KCNMA1: variants seen among roughly 807,000 people sequenced by gnomAD.
KCNMA1 encodes potassium calcium-activated channel subfamily M alpha 1.
KCNMA1 carries 29 observed loss-of-function variants against 140.0 expected under a neutral mutation model. The observed-to-expected ratio is 0.21, with a 90% CI of 0.15 to 0.28. KCNMA1 has a LOEUF of 0.28. Among genes scored for constraint, KCNMA1 ranks in the 10% least tolerant of loss-of-function variants. The probability of loss-of-function intolerance (pLI) is 1.00; values close to 1 mark genes in which losing one functional copy is unlikely to be tolerated. For missense variants in KCNMA1, 880 were observed against 1,602.2 expected (o/e 0.55, Z 7.70); for synonymous variants, 612 against 611.9 (o/e 1.00, Z 0.00).
chr10:77,441,871 AAG>A (rs1442179668), intron 1 of KCNMA1, among the ~76,000 whole-genome samples: 1 of 152,040 alleles, frequency 6.6e-6, no homozygotes, highest in African/African-American at 2.4e-5. Context: ...CTTGCAAACA[AAG>A]AGAGGGTCCC....
At chr10:77,182,535 G>C (rs2154122921) in intron 5 of KCNMA1, among the ~76,000 whole-genome samples, 1 of 152,338 alleles carries the variant, frequency 6.6e-6, no homozygotes, top group East Asian at 1.9e-4. Flanking sequence ...ATGGAGGCAA[G>C]GGGAAAAGAT....
At chr10:77,465,943 A>C (rs1268503964) in intron 1 of KCNMA1, among the ~76,000 whole-genome samples, 1 of 152,172 alleles carries the variant, frequency 6.6e-6, no homozygotes, top group Non-Finnish European at 1.5e-5. Flanking sequence ...TAAGAGGGAA[A>C]GAAGAGATCC....
At chr10:77,585,297 C>T (rs897187900) in intron 1 of KCNMA1, among the ~76,000 whole-genome samples, 2 of 152,190 alleles carry the variant, frequency 1.3e-5, no homozygotes, top group African/African-American at 4.8e-5. Context: ...TGAAGCAAGT[C>T]GCTTAACTTA....
chr10:77,001,348 C>T, intron 19 of KCNMA1, 59 bp downstream of exon 19: 1 of 1,468,330 alleles, frequency 6.8e-7, no homozygotes, highest in Non-Finnish European at 9.3e-7. Flanking sequence ...CAGCACAAGA[C>T]AGGGATGATA....
intron 14 of KCNMA1, among the ~76,000 whole-genome samples, chr10:77,058,925 C>T (rs2095641058): frequency 6.6e-6 from 1 of 151,176 alleles, no homozygotes; most frequent in South Asian, 2.1e-4. Flanking sequence ...AATAATAAAA[C>T]CAAAGCCGAT....
chr10:77,317,955 C>T (rs540783), intron 2 of KCNMA1, among the ~76,000 whole-genome samples: 31,495 of 152,110 alleles, frequency 0.21, 3,510 homozygotes, highest in Admixed American at 0.26. Context: ...CCCGCATCTT[C>T]AACCTGGATA....
intron 19 of KCNMA1, among the ~76,000 whole-genome samples, chr10:76,977,131 A>T (rs2077847323): frequency 6.6e-6 from 1 of 152,070 alleles, no homozygotes; most frequent in South Asian, 2.1e-4. Flanking sequence ...CAAAAGTTAA[A>T]CCTGACTCCT....
At chr10:76,935,388 T>C (rs577627555) in intron 23 of KCNMA1, among the ~76,000 whole-genome samples, 2 of 152,350 alleles carry the variant, frequency 1.3e-5, no homozygotes, top group Admixed American at 1.3e-4. Context: ...ACTTGCCTTT[T>C]AAGAGACAGG....
At chr10:76,954,505 AT>A (rs1434263472) in intron 20 of KCNMA1, among the ~76,000 whole-genome samples, 1 of 152,176 alleles carries the variant, frequency 6.6e-6, no homozygotes, top group Non-Finnish European at 1.5e-5. Flanking sequence ...GCCCAATCAG[AT>A]TTTGCTCTCC....
chr10:76,883,831 G>T (rs2278399), downstream of KCNMA1, among the ~76,000 whole-genome samples: 6,103 of 151,430 alleles, frequency 0.04, 195 homozygotes, highest in South Asian at 0.16. Context: ...AAAGAGGAAG[G>T]GGAAGTTTGG....
At chr10:77,222,626 A>G (rs1321210827) in intron 3 of KCNMA1, among the ~76,000 whole-genome samples, 1 of 152,210 alleles carries the variant, frequency 6.6e-6, no homozygotes, top group Non-Finnish European at 1.5e-5. Context: ...AACAGCATCA[A>G]TGACTTCAAA....
intron 17 of KCNMA1, among the ~76,000 whole-genome samples, chr10:77,016,072 CCT>C (rs1378383211): frequency 6.6e-6 from 1 of 152,086 alleles, no homozygotes; most frequent in African/African-American, 2.4e-5. Context: ...CCAGCCTCTG[CCT>C]CTCTCTAACC....
intron 5 of KCNMA1, among the ~76,000 whole-genome samples, chr10:77,181,911 CATACATATATAT>C (rs756605893): frequency 5.8e-4 from 88 of 152,076 alleles, no homozygotes; most frequent in Non-Finnish European, 1.1e-3. Context: ...GATATGGACA[CATACATATATAT>C]ATATATGCAT....
At chr10:77,181,234 G>GA (rs1314968614) in intron 5 of KCNMA1, among the ~76,000 whole-genome samples, 8 of 152,274 alleles carry the variant, frequency 5.3e-5, no homozygotes, top group African/African-American at 1.9e-4. Context: ...TGAGGATCCA[G>GA]AAAAGCAAAG....
chr10:77,632,557 A>G (rs1027933985), intron 1 of KCNMA1, among the ~76,000 whole-genome samples: 2 of 152,002 alleles, frequency 1.3e-5, no homozygotes, highest in Non-Finnish European at 2.9e-5. Context: ...CGTGAAGCCT[A>G]CCTCTGCTGC....
rs1348667373 is a variant in KCNMA1, at chr10:77,090,481, A to G, written c.1253T>C (p.Leu418Pro). Residue 418 changes from leucine (L) to proline (P), a missense_variant, in exon 10 of 28, where the codon CTG (leucine) becomes CCG (proline). Leu to Pro is a moderately conservative substitution (Grantham distance 98). This residue lies in a region of KCNMA1 where 198 missense variants were observed against 580.1 expected (regional missense o/e 0.34). Coordinates refer to ENST00000286628, the MANE Select transcript of KCNMA1 (RefSeq NM_001161352.2). ...KHIVVCGHIT[L>P]ESVSNFLKDF... ...CTTCAGGAAGTTGGAAACACTCTCC[A>G]GAGTGATGTGTCCGCAGACCACAAT... 1 of 1,613,890 alleles carries G rather than the reference A, an allele frequency of 6.2e-7. No homozygotes were observed. The highest frequency in any genetic ancestry group is 8.5e-7 in the Non-Finnish European group (1 of 1,179,826).
intron 1 of KCNMA1, among the ~76,000 whole-genome samples, chr10:77,595,821 A>G (rs903625732): frequency 2.0e-5 from 3 of 152,004 alleles, no homozygotes; most frequent in African/African-American, 7.3e-5. Flanking sequence ...GCTAATTTTT[A>G]TATTTTTAGT....
intron 1 of KCNMA1, among the ~76,000 whole-genome samples, chr10:77,596,687 T>C (rs2081039842): frequency 6.6e-6 from 1 of 152,240 alleles, no homozygotes; most frequent in South Asian, 2.1e-4. Flanking sequence ...ATGCAGTTCC[T>C]TGGTGTTGTG....
intron 24 of KCNMA1, chr10:76,911,933 T>A (rs1388529643): frequency 6.6e-6 from 1 of 152,212 alleles, no homozygotes; most frequent in African/African-American, 2.4e-5. Flanking sequence ...AAGCACAGCA[T>A]CTGTTACCTC....
Sources: allele counts gnomAD v4.1 joint callset (sites outside exome capture counted in the v4.1 genomes callset), GRCh38; gene constraint gnomAD v4.1.1; regional missense constraint gnomAD v4.1.1; transcripts MANE v1.5; gene names NCBI Gene and HGNC (gene_info 2026-07-23, HGNC 2026-07-21).